EPB41L4B: variants seen among roughly 807,000 people sequenced by gnomAD.
EPB41L4B encodes the protein band 4.1-like protein 4B.
EPB41L4B carries 30 observed loss-of-function variants against 112.5 expected under a neutral mutation model. The observed-to-expected ratio is 0.27, with a 90% CI of 0.20 to 0.36. The LOEUF (loss-of-function observed/expected upper bound fraction) is 0.36, where lower values mean the gene tolerates loss of function less well. Among genes scored for constraint, EPB41L4B ranks in the 10% least tolerant of loss-of-function variants. The probability of loss-of-function intolerance (pLI) is 1.00; values close to 1 mark genes in which losing one functional copy is unlikely to be tolerated. For synonymous variants in EPB41L4B, 408 were observed against 439.7 expected, an observed-to-expected ratio of 0.93 and a Z score of 0.90; for missense variants, 1,024 against 1,133.3, an observed-to-expected ratio of 0.90 and a Z score of 1.38.
At chr9:109,236,106 T>C (rs991058144) in intron 15 of EPB41L4B, among the ~76,000 whole-genome samples, 1 of 152,204 alleles carries the variant, frequency 6.6e-6, no homozygotes, top group Non-Finnish European at 1.5e-5. Context: ...CTTCCATCTG[T>C]TTCCCAATCA....
intron 23 of EPB41L4B, among the ~76,000 whole-genome samples, chr9:109,184,706 G>C (rs1832192661): frequency 6.6e-6 from 1 of 152,190 alleles, no homozygotes; most frequent in African/African-American, 2.4e-5. Context: ...TTTAGAAAGG[G>C]GGCAAAAGCC....
intron 13 of EPB41L4B, among the ~76,000 whole-genome samples, chr9:109,249,072 A>AAAT (rs1433334004): frequency 9.2e-5 from 12 of 130,900 alleles, no homozygotes; most frequent in African/African-American, 3.4e-4. Context: ...AAAAAAAAAA[A>AAAT]ATATATATAT....
At position 109,297,124 on chromosome 9, in the gene EPB41L4B, G is replaced by A. The variant is rs139044740; in HGVS notation, c.307-17203C>T. Among the ~76,000 whole-genome samples, 304 of 150,318 alleles carry A rather than the reference G, an allele frequency of 2.0e-3. 3 individuals carry two copies. Among genetic ancestry groups the A allele is most frequent in the Non-Finnish European group, 2.8e-3 (190 of 67,610 alleles). ...GGTGTCATTATAAAAAGAAGAGATCGGGACACACAGACACCAGGGACACAT... is the reference window on the plus strand; with the variant it reads ...GGTGTCATTATAAAAAGAAGAGATCAGGACACACAGACACCAGGGACACAT... On this transcript the variant is annotated intron_variant, in intron 1 of 25. Transcript: ENST00000374566.
intron 1 of EPB41L4B, among the ~76,000 whole-genome samples, chr9:109,312,030 C>A (rs1837432322): frequency 6.6e-6 from 1 of 152,222 alleles, no homozygotes; most frequent in Non-Finnish European, 1.5e-5. Flanking sequence ...GTATTACTCA[C>A]TCAAACCACA....
At chr9:109,193,302 C>A (rs997464239) in intron 21 of EPB41L4B, among the ~76,000 whole-genome samples, 3 of 152,232 alleles carry the variant, frequency 2.0e-5, no homozygotes, top group African/African-American at 4.8e-5. Context: ...GGCCCTGGAC[C>A]ATTATTCTTC....
At chr9:109,235,390 CTTT>C (rs758330838) in intron 15 of EPB41L4B, among the ~76,000 whole-genome samples, 3 of 87,252 alleles carry the variant, frequency 3.4e-5, no homozygotes, top group Admixed American at 1.3e-4. Context: ...TTCAGCTAGA[CTTT>C]TTTTTTTTTT....
At position 109,221,764 on chromosome 9, in the gene EPB41L4B, T is replaced by C. The variant is rs1427393219; in HGVS notation, c.1410-4619A>G. Reference sequence around the variant, plus strand: ...ACGTGGGTAACAAAGAGTGTGAGAATGAACACCCAAAGGGAAAGATGTCTT... The same window carrying C: ...ACGTGGGTAACAAAGAGTGTGAGAACGAACACCCAAAGGGAAAGATGTCTT... On this transcript the variant is annotated intron_variant, in intron 15 of 25. Transcript: ENST00000374566. 2.6e-5 allele frequency among the ~76,000 whole-genome samples: 4 copies of C among 152,278 alleles called. No individual in the cohort carries two copies. The East Asian group carries it at 7.7e-4, about 29-fold the overall frequency.
intron 20 of EPB41L4B, 124 bp downstream of exon 20, chr9:109,200,112 T>C (rs548868765): frequency 8.6e-6 from 6 of 701,680 alleles, no homozygotes; most frequent in African/African-American, 5.4e-5. Context: ...ATTACCTAAA[T>C]TGGAAATAAA....
Position 109,216,870 on chromosome 9 carries a change from C to T in EPB41L4B, c.1633+52G>A, listed in dbSNP as rs1019893984. ...TTAAGAATCTAGGGAACTCTCGTGC[C>T]CTGCAGCATTGCTCCCCCTTCTCCT... is the stretch of plus-strand genomic sequence containing the variant. On this transcript the variant is annotated intron_variant, in intron 16 of 25. Coordinates refer to ENST00000374566, the MANE Select transcript of EPB41L4B (RefSeq NM_019114.5). 2.6e-6 allele frequency: 4 copies of T among 1,551,488 alleles called. No homozygotes were observed. The African/African-American group carries it at 4.1e-5, about 16-fold the overall frequency.
rs141998055 is a variant in EPB41L4B, at chr9:109,288,983, G to A, written c.307-9062C>T. 1.9e-3 allele frequency among the ~76,000 whole-genome samples: 290 copies of A among 152,168 alleles called. 3 individuals are homozygous for A. Among genetic ancestry groups the A allele is most frequent in the African/African-American group, 6.3e-3 (261 of 41,520 alleles). On this transcript the variant is annotated intron_variant, in intron 1 of 25. Coordinates refer to ENST00000374566, the MANE Select transcript of EPB41L4B (RefSeq NM_019114.5). Reference sequence around the variant, plus strand: ...TACCCAATCTAAGGTATTTAGTCACGGTAGCCCAGAAGGACTAAGACACCC... The same window carrying A: ...TACCCAATCTAAGGTATTTAGTCACAGTAGCCCAGAAGGACTAAGACACCC...
chr9:109,314,316 G>GGCCCCAC (rs1252085872), intron 1 of EPB41L4B, among the ~76,000 whole-genome samples: 29 of 152,218 alleles, frequency 1.9e-4, no homozygotes, highest in Non-Finnish European at 3.5e-4. Flanking sequence ...TTTAAGGGAA[G>GGCCCCAC]GCCCCACCCC....
chr9:109,280,024 C>A, intron 1 of EPB41L4B, 103 bp from the exon 2 acceptor site: 2 of 727,482 alleles, frequency 2.7e-6, no homozygotes, highest in African/African-American at 1.8e-5. Context: ...GCATACATGT[C>A]AGCACACACA....
chr9:109,258,351 T>G, intron 6 of EPB41L4B, 54 bp from the exon 7 acceptor site: 1 of 1,591,354 alleles, frequency 6.3e-7, no homozygotes, highest in Non-Finnish European at 8.6e-7. Flanking sequence ...ATTTCAGTTA[T>G]TGCTGCAACC....
chr9:109,214,985 T>C (rs554043095), intron 16 of EPB41L4B, among the ~76,000 whole-genome samples: 131 of 152,200 alleles, frequency 8.6e-4, no homozygotes, highest in African/African-American at 3.1e-3. Flanking sequence ...GCATGGGCAG[T>C]GTGGATAGTG....
chr9:109,301,706 C>T (rs1315253193), intron 1 of EPB41L4B, among the ~76,000 whole-genome samples: 1 of 152,196 alleles, frequency 6.6e-6, no homozygotes, highest in South Asian at 2.1e-4. Flanking sequence ...CATGTAGACA[C>T]ATCTACATAC....
intron 2 of EPB41L4B, among the ~76,000 whole-genome samples, chr9:109,273,924 G>C (rs1835719934): frequency 6.6e-6 from 1 of 152,138 alleles, no homozygotes. Context: ...GATGGCAAGA[G>C]CACCCAGTAG....
intron 1 of EPB41L4B, among the ~76,000 whole-genome samples, chr9:109,311,179 G>C (rs1470547637): frequency 6.6e-6 from 1 of 152,080 alleles, no homozygotes; most frequent in African/African-American, 2.4e-5. Flanking sequence ...CTTAAACACG[G>C]TTAAAATAGT....
chr9:109,231,907 T>C (rs987887531), intron 15 of EPB41L4B, among the ~76,000 whole-genome samples: 2 of 150,022 alleles, frequency 1.3e-5, no homozygotes, highest in African/African-American at 4.9e-5. Flanking sequence ...GTTTATTCAA[T>C]CTTTTTCTTG....
At chr9:109,216,854 T>C (rs367760821) in intron 16 of EPB41L4B, 68 bp downstream of exon 16, 12 of 1,456,786 alleles carry the variant, frequency 8.2e-6, no homozygotes, top group Middle Eastern at 1.8e-4. Flanking sequence ...CTTAAGAATC[T>C]AGGGAACTCT....
Sources: allele counts gnomAD v4.1 joint callset (sites outside exome capture counted in the v4.1 genomes callset), GRCh38; gene constraint gnomAD v4.1.1; transcripts MANE v1.5; gene names NCBI Gene and HGNC (gene_info 2026-07-23, HGNC 2026-07-21).